Variants in ATRX observed in about 807,000 individuals in gnomAD.
The protein encoded by ATRX is chromatin remodeler ATRX.
Under a neutral mutation model 172.6 loss-of-function variants are expected in ATRX, and 12 were observed. That is an observed-to-expected ratio of 0.07 (90% CI 0.04 to 0.11). The LOEUF (loss-of-function observed/expected upper bound fraction) is 0.11, where lower values mean the gene tolerates loss of function less well. Among genes scored for constraint, ATRX ranks in the 10% least tolerant of loss-of-function variants. The pLI, the probability that ATRX is intolerant of heterozygous loss-of-function variation, is 1.00. For missense variants in ATRX, 1,368 were observed against 1,767.4 expected (o/e 0.77, Z 4.05); for synonymous variants, 674 against 594.7 (o/e 1.13, Z -1.94).
intron 19 of ATRX, among the ~76,000 whole-genome samples, chrX:77,626,839 C>A (rs939368697): frequency 8.9e-6 from 1 of 112,226 alleles, no homozygotes; most frequent in Non-Finnish European, 1.9e-5. Flanking sequence ...TTTATAATTT[C>A]TTTAACTTAA....
intron 1 of ATRX, among the ~76,000 whole-genome samples, chrX:77,773,830 T>C (rs2076251865): frequency 9.0e-6 from 1 of 111,530 alleles, no homozygotes; most frequent in Non-Finnish European, 1.9e-5. Context: ...TAAAATGTGC[T>C]GTGAAGGACA....
chrX:77,513,221 A>G (rs1158108574), intron 34 of ATRX, among the ~76,000 whole-genome samples: 11 of 103,349 alleles, frequency 1.1e-4, no homozygotes, highest in South Asian at 5.0e-4. Flanking sequence ...GGAGGCTAAG[A>G]TAGGAGAATG....
intron 1 of ATRX, among the ~76,000 whole-genome samples, chrX:77,753,712 C>A (rs150523940): frequency 1.8e-5 from 2 of 111,497 alleles, no homozygotes; most frequent in Non-Finnish European, 3.8e-5. Context: ...GCCTTAATTT[C>A]GTTATTTACC....
At chrX:77,579,675 G>A (rs782242962) in intron 27 of ATRX, among the ~76,000 whole-genome samples, 53 of 111,779 alleles carry the variant, frequency 4.7e-4, no homozygotes, top group African/African-American at 1.5e-3. Flanking sequence ...TACCTGGAAA[G>A]CCTTCCCAAA....
chrX:77,710,456 T>A (rs1474671728), intron 2 of ATRX, among the ~76,000 whole-genome samples: 2 of 111,252 alleles, frequency 1.8e-5, no homozygotes, highest in East Asian at 5.6e-4. Flanking sequence ...GGATTCAGCA[T>A]CCCTAATCTG....
chrX:77,539,123 G>A (rs188397169), intron 30 of ATRX, among the ~76,000 whole-genome samples: 56 of 109,962 alleles, frequency 5.1e-4, no homozygotes, highest in South Asian at 1.6e-3. Flanking sequence ...TCGATCTCTT[G>A]ACCTCGTGAT....
chrX:77,738,292 G>T (rs1355064540), intron 1 of ATRX, among the ~76,000 whole-genome samples: 1 of 104,394 alleles, frequency 9.6e-6, no homozygotes, highest in Non-Finnish European at 2.0e-5. Context: ...TCAGGATCAA[G>T]CCACTGCACT....
chrX:77,746,830 G>A (rs1301335564), intron 1 of ATRX, among the ~76,000 whole-genome samples: 2 of 111,141 alleles, frequency 1.8e-5, no homozygotes, highest in Non-Finnish European at 3.8e-5. Flanking sequence ...ATGGAGTCTT[G>A]CTCTGTGGCC....
In ATRX at chrX:77,735,598, C is replaced by A. The variant is rs868957269; in HGVS notation, c.21-18355G>T. ...CAGAGCAAGACTCCGTCTCAAAAAA[C>A]TAAATAAATAAATAAATAAATAAAT... On this transcript the variant is annotated intron_variant, in intron 1 of 34. Coordinates refer to ENST00000373344, the MANE Select transcript of ATRX (RefSeq NM_000489.6). 1.0e-3 allele frequency among the ~76,000 whole-genome samples: 63 copies of A among 60,126 alleles called. 1 individual carries two copies. In the East Asian group the frequency reaches 0.014, roughly 13 times the overall value. 52.2% of individuals were successfully genotyped at this position (60,126 alleles called of 115,157 possible).
chrX:77,527,481 T>G (rs999245011), intron 30 of ATRX, among the ~76,000 whole-genome samples: 2 of 112,045 alleles, frequency 1.8e-5, no homozygotes, highest in East Asian at 2.8e-4. Context: ...CTTTGCAACA[T>G]GCGGAGCAGG....
At chrX:77,647,161 A>C (rs912138776) in intron 15 of ATRX, among the ~76,000 whole-genome samples, 9 of 112,087 alleles carry the variant, frequency 8.0e-5, no homozygotes, top group Admixed American at 3.8e-4. Flanking sequence ...AAATTAAATA[A>C]GTAACTAAAG....
chrX:77,746,914 C>T (rs958624561), intron 1 of ATRX, among the ~76,000 whole-genome samples: 3 of 110,836 alleles, frequency 2.7e-5, no homozygotes, highest in Non-Finnish European at 5.7e-5. Context: ...AATTCTCCTG[C>T]CTCAGCCTCC....
Position 77,565,578 on chromosome X carries a change from G to A in ATRX, c.6327-6732C>T, listed in dbSNP as rs886194395. 2.7e-5 allele frequency among the ~76,000 whole-genome samples: 3 copies of A among 112,170 alleles called. No homozygotes were observed. In the Admixed American group the frequency reaches 2.8e-4, roughly 11 times the overall value. On this transcript the variant is annotated intron_variant, in intron 28 of 34. Coordinates refer to ENST00000373344, the MANE Select transcript of ATRX (RefSeq NM_000489.6). ...AAGAATCAACTGAAAATTTTAGGCT[G>A]GGCACAGCAGCTCAGGCCTGTAATC...
At chrX:77,580,032 TAA>T (rs2065772074) in intron 27 of ATRX, among the ~76,000 whole-genome samples, 1 of 111,885 alleles carries the variant, frequency 8.9e-6, no homozygotes, top group Admixed American at 9.5e-5. Context: ...AAAGAATGCA[TAA>T]GAGTCTCTTA....
rs1297628504 is a variant in ATRX, at chrX:77,701,071, C to A, written c.134-2442G>T. On this transcript the variant is annotated intron_variant, in intron 2 of 34. Coordinates refer to ENST00000373344, the MANE Select transcript of ATRX (RefSeq NM_000489.6). ...TAATAATGACATGTCAATGTAGGTT[C>A]ATCAACGTTATATAACAAATGTACA... is the stretch of plus-strand genomic sequence containing the variant. 5.3e-5 allele frequency among the ~76,000 whole-genome samples: 6 copies of A among 112,240 alleles called. No individual in the cohort carries two copies. The Admixed American group carries it at 5.7e-4, about 11-fold the overall frequency.
chrX:77,611,697 T>TA (rs1266323652), intron 22 of ATRX, among the ~76,000 whole-genome samples: 1 of 110,632 alleles, frequency 9.0e-6, no homozygotes, highest in Non-Finnish European at 1.9e-5. Flanking sequence ...TCTCTCTATA[T>TA]AAAAAATGTT....
chrX:77,656,015 G>C (rs2069529223), intron 13 of ATRX, among the ~76,000 whole-genome samples: 2 of 111,448 alleles, frequency 1.8e-5, no homozygotes, highest in African/African-American at 6.5e-5. Context: ...CTAGATCAGT[G>C]ACTGTTCGTG....
intron 1 of ATRX, among the ~76,000 whole-genome samples, chrX:77,776,152 C>T (rs2076343686): frequency 8.9e-6 from 1 of 112,212 alleles, no homozygotes; most frequent in Non-Finnish European, 1.9e-5. Context: ...TGTAACAGCA[C>T]AACTTTTCTG....
chrX:77,536,736 C>T (rs781992576), intron 30 of ATRX, among the ~76,000 whole-genome samples: 8 of 111,844 alleles, frequency 7.2e-5, no homozygotes, highest in Non-Finnish European at 1.5e-4. Context: ...AATGTAAACA[C>T]CAATATAATC....
Sources: allele counts gnomAD v4.1 joint callset (sites outside exome capture counted in the v4.1 genomes callset), GRCh38; gene constraint gnomAD v4.1.1; transcripts MANE v1.5; gene names NCBI Gene and HGNC (gene_info 2026-07-23, HGNC 2026-07-21).